Variants in GRM3 observed in about 807,000 individuals in gnomAD.
GRM3 encodes metabotropic glutamate receptor 3.
Under a neutral mutation model 70.5 loss-of-function variants are expected in GRM3, and 26 were observed. The observed-to-expected ratio is 0.37, with a 90% CI of 0.27 to 0.51. GRM3 has a LOEUF of 0.51. Ranked by LOEUF, GRM3 falls within the 20% of genes least tolerant of loss-of-function variation. The pLI, the probability that GRM3 is intolerant of heterozygous loss-of-function variation, is 0.93. For missense variants in GRM3, 859 were observed against 1,123.8 expected, an observed-to-expected ratio of 0.76 and a Z score of 3.37; for synonymous variants, 443 against 434.9, an observed-to-expected ratio of 1.02 and a Z score of -0.23.
intron 1 of GRM3, among the ~76,000 whole-genome samples, chr7:86,695,008 C>T (rs1794782733): frequency 6.6e-6 from 1 of 152,150 alleles, no homozygotes; most frequent in African/African-American, 2.4e-5. Flanking sequence ...AGAGCATTTG[C>T]AATAGTGGTT....
Position 86,787,136 on chromosome 7 carries a change from A to C in GRM3, c.1324+20A>C. On this transcript the variant is annotated intron_variant, in intron 3 of 5. Coordinates refer to ENST00000361669, the MANE Select transcript of GRM3 (RefSeq NM_000840.3). Reference sequence around the variant, plus strand: ...TCACGGGTAAGCCAAGAGCCTTTAAACATCTTCTCAGATGCAAACAAGTGA... The same window carrying C: ...TCACGGGTAAGCCAAGAGCCTTTAACCATCTTCTCAGATGCAAACAAGTGA... The C allele has an allele frequency of 5.1e-6, 8 of 1,573,316 alleles. No individual in the cohort carries two copies. The highest frequency in any genetic ancestry group is 6.9e-6 in the Non-Finnish European group (8 of 1,156,244).
chr7:86,668,811 T>G (rs1048235402), intron 1 of GRM3, among the ~76,000 whole-genome samples: 2 of 152,126 alleles, frequency 1.3e-5, no homozygotes, highest in Non-Finnish European at 2.9e-5. Flanking sequence ...TGCAGTTTGG[T>G]TGATCATCAG....
At chr7:86,830,469 T>C (rs1323470486) in intron 3 of GRM3, among the ~76,000 whole-genome samples, 1 of 152,230 alleles carries the variant, frequency 6.6e-6, no homozygotes, top group Non-Finnish European at 1.5e-5. Flanking sequence ...CAGCTAAAGA[T>C]AGAACATTGT....
At chr7:86,774,727 A>G (rs1241659324) in intron 2 of GRM3, among the ~76,000 whole-genome samples, 1 of 152,122 alleles carries the variant, frequency 6.6e-6, no homozygotes, top group Non-Finnish European at 1.5e-5. Flanking sequence ...TCCCAGGCAC[A>G]GTGCCTCCAA....
chr7:86,765,349 C>T lies in GRM3; in HGVS notation c.204C>T (p.Arg68=). The T allele has an allele frequency of 2.5e-6, 4 of 1,613,886 alleles. No homozygotes were observed. The South Asian group carries it at 3.3e-5, about 13-fold the overall frequency. The change falls in exon 2 of 6, where the codon CGC becomes CGT. Residue 68 remains arginine (R), a synonymous_variant. Coordinates refer to ENST00000361669, the MANE Select transcript of GRM3 (RefSeq NM_000840.3). ...TCAATGAAGACCGAGGGATTCAACG[C>T]CTGGAAGCCATGTTGTTTGCTATTG... ...GRINEDRGIQ[R]LEAMLFAIDE... is the part of the protein sequence containing the mutation.
Position 86,765,517 on chromosome 7 carries a change from G to T in GRM3, c.372G>T (p.Glu124Asp). 1 of 1,613,876 alleles carries T rather than the reference G, an allele frequency of 6.2e-7. No individual in the cohort carries two copies. Among genetic ancestry groups the T allele is most frequent in the South Asian group, 1.1e-5 (1 of 91,078 alleles). Residue 124 changes from glutamate (E) to aspartate (D), a missense_variant, in exon 2 of 6, where the codon GAG becomes GAT. By Grantham distance (45) the Glu-to-Asp change is conservative. Transcript: ENST00000361669. ...RASLTKVDEA[E>D]YMCPDGSYAI... ...CTTTGACAAAAGTGGATGAAGCTGA[G>T]TATATGTGTCCTGATGGATCCTATG...
chr7:86,796,950 G>A (rs1469680000), intron 3 of GRM3, among the ~76,000 whole-genome samples: 4 of 152,172 alleles, frequency 2.6e-5, no homozygotes, highest in Non-Finnish European at 1.5e-5. Context: ...CCCTGTGAAT[G>A]TTCTCTTGCC....
chr7:86,862,645 G>C (rs116777654), intron 5 of GRM3, among the ~76,000 whole-genome samples: 5,117 of 152,174 alleles, frequency 0.034, 291 homozygotes, highest in African/African-American at 0.12. Flanking sequence ...AGTGTAACTT[G>C]AGGTAGCCAC....
chr7:86,820,128 G>A (rs1231129675), intron 3 of GRM3, among the ~76,000 whole-genome samples: 2 of 152,140 alleles, frequency 1.3e-5, no homozygotes, highest in Admixed American at 6.5e-5. Context: ...TTATCACACT[G>A]TAGTTTGTGG....
At chr7:86,835,381 G>T (rs1276475146) in intron 3 of GRM3, among the ~76,000 whole-genome samples, 1 of 151,990 alleles carries the variant, frequency 6.6e-6, no homozygotes, top group African/African-American at 2.4e-5. Context: ...AAAAAGGAAA[G>T]CCATAAAAGT....
intron 3 of GRM3, among the ~76,000 whole-genome samples, chr7:86,795,685 G>A (rs1797532961): frequency 6.6e-6 from 1 of 152,084 alleles, no homozygotes; most frequent in East Asian, 1.9e-4. Context: ...TGGGCATTTG[G>A]GTTGGTTCCA....
intron 3 of GRM3, among the ~76,000 whole-genome samples, chr7:86,800,153 G>A (rs1344648114): frequency 6.6e-6 from 1 of 152,096 alleles, no homozygotes; most frequent in Non-Finnish European, 1.5e-5. Context: ...TTTTAAGAGG[G>A]AAATTTATAG....
chr7:86,716,330 C>T (rs969093752), intron 1 of GRM3, among the ~76,000 whole-genome samples: 2 of 151,890 alleles, frequency 1.3e-5, no homozygotes, highest in Non-Finnish European at 2.9e-5. Flanking sequence ...GAGAAACAAA[C>T]ATTTACTGAG....
chr7:86,692,609 T>A (rs1251502040), intron 1 of GRM3, among the ~76,000 whole-genome samples: 5 of 152,222 alleles, frequency 3.3e-5, no homozygotes, highest in African/African-American at 1.2e-4. Context: ...TATGACCCAA[T>A]AGTATTTCTT....
intron 1 of GRM3, among the ~76,000 whole-genome samples, chr7:86,718,407 G>A (rs929594592): frequency 1.2e-4 from 18 of 152,108 alleles, no homozygotes; most frequent in African/African-American, 4.1e-4. Context: ...TGTTGTGTGT[G>A]TATGTGTGTG....
intron 3 of GRM3, among the ~76,000 whole-genome samples, chr7:86,826,385 G>A (rs555600415): frequency 6.6e-6 from 1 of 152,334 alleles, no homozygotes; most frequent in South Asian, 2.1e-4. Flanking sequence ...CCTAAGAGCT[G>A]ATTGAAGAGG....
At chr7:86,661,043 A>T (rs567856089) in intron 1 of GRM3, among the ~76,000 whole-genome samples, 1 of 152,132 alleles carries the variant, frequency 6.6e-6, no homozygotes, top group African/African-American at 2.4e-5. Context: ...ACATTTGAAG[A>T]TTAGAAAATG....
intron 5 of GRM3, among the ~76,000 whole-genome samples, chr7:86,858,514 C>A (rs1306560810): frequency 1.3e-5 from 2 of 152,118 alleles, no homozygotes; most frequent in South Asian, 4.1e-4. Context: ...TCTATCTCAC[C>A]ATGTGATGCC....
rs923986809 is a variant in GRM3 at position 86,785,613 on chromosome 7, T to C, written c.469-648T>C. On this transcript the variant is annotated intron_variant, in intron 2 of 5. Transcript: ENST00000361669. ...AAAAAGAAAAAGAAAGTAAAGAAAA[T>C]ATTGGTCAAGATTTTCAGGAGTTTA... is the stretch of plus-strand genomic sequence containing the variant. Among the ~76,000 whole-genome samples the C allele has an allele frequency of 8.1e-5, 12 of 147,992 alleles. No individual in the cohort carries two copies. In the Admixed American group the frequency reaches 8.1e-4, roughly 10 times the overall value.
Sources: allele counts gnomAD v4.1 joint callset (sites outside exome capture counted in the v4.1 genomes callset), GRCh38; gene constraint gnomAD v4.1.1; transcripts MANE v1.5; gene names NCBI Gene and HGNC (gene_info 2026-07-23, HGNC 2026-07-21).